THSD7A: variants seen among roughly 807,000 people sequenced by gnomAD.
THSD7A encodes thrombospondin type 1 domain containing 7A.
A neutral mutation model predicts 231.3 loss-of-function variants in THSD7A; 96 were observed. The observed-to-expected ratio is 0.41, with a 90% confidence interval of 0.35 to 0.49. The LOEUF is 0.49. THSD7A is among the 20% of genes least tolerant of loss of function. The pLI is 0.05. For synonymous variants in THSD7A, 940 were observed against 743.3 expected (o/e 1.26, Z -4.30); for missense variants, 2,290 against 2,070.2 (o/e 1.11, Z -2.06).
At chr7:11,516,475 G>A (rs1030920486) in intron 6 of THSD7A, among the ~76,000 whole-genome samples, 1 of 152,146 alleles carries the variant, frequency 6.6e-6, no homozygotes, top group African/African-American at 2.4e-5. Flanking sequence ...ATATTATAGT[G>A]CCTCATCCCC....
At position 11,831,402 on chromosome 7, in the gene THSD7A, T is replaced by C. The variant is rs1785187835; in HGVS notation, c.190+355A>G. 6.6e-6 allele frequency among the ~76,000 whole-genome samples: 1 copy of C among 152,192 alleles called. No individual in the cohort carries two copies. Among genetic ancestry groups the C allele is most frequent in the African/African-American group, 2.4e-5 (1 of 41,452 alleles). ...ATTGCTTTGCCTAAAGAATAAAGAC[T>C]GAGACTAAACTCTTTGCTTGTTCTT... On this transcript the variant is annotated intron_variant, in intron 1 of 27. Transcript: ENST00000423059. The surrounding 1 kb of genome is among the most constrained non-coding windows in gnomAD (Gnocchi z 5.0).
chr7:11,655,288 A>T lies in THSD7A; in HGVS notation c.191-18327T>A, dbSNP rs1487327116. ...TGTTAGGATCCACAAGTATGCTGTA[A>T]CACAGTCTTTCTGTGTATCACTGAA... On this transcript the variant is annotated intron_variant, in intron 1 of 27. Coordinates refer to ENST00000423059, the MANE Select transcript of THSD7A (RefSeq NM_015204.3). Among the ~76,000 whole-genome samples, 7 of 151,930 alleles carry T rather than the reference A, an allele frequency of 4.6e-5. No homozygotes were observed. The East Asian group carries it at 1.4e-3, about 29-fold the overall frequency.
chr7:11,773,059 C>T (rs1783286473), intron 1 of THSD7A, among the ~76,000 whole-genome samples: 1 of 152,044 alleles, frequency 6.6e-6, no homozygotes, highest in Non-Finnish European at 1.5e-5. Context: ...GCCTAAGAAA[C>T]CTCTGTGTAC....
intron 1 of THSD7A, among the ~76,000 whole-genome samples, chr7:11,700,808 C>G (rs1780570805): frequency 6.6e-6 from 1 of 151,014 alleles, no homozygotes. Context: ...CGCTCCACAG[C>G]CCAATAAAAA....
intron 1 of THSD7A, among the ~76,000 whole-genome samples, chr7:11,804,978 C>G (rs1209588216): frequency 2.0e-5 from 3 of 152,050 alleles, no homozygotes; most frequent in African/African-American, 4.8e-5. Flanking sequence ...ATATTTTCTA[C>G]CAATTCTGAG....
At chr7:11,460,843 CATGA>C in intron 10 of THSD7A, 78 bp from the exon 11 acceptor site, 2 of 1,192,298 alleles carry the variant, frequency 1.7e-6, no homozygotes, top group South Asian at 2.7e-5. Context: ...AGCATGGAAA[CATGA>C]CTTTGACCAC....
At chr7:11,402,591 T>C (rs1783444221) in intron 22 of THSD7A, among the ~76,000 whole-genome samples, 1 of 152,196 alleles carries the variant, frequency 6.6e-6, no homozygotes, top group Non-Finnish European at 1.5e-5. Context: ...AATGATCACA[T>C]ATCATAGATG....
At chr7:11,703,640 T>A (rs1780673908) in intron 1 of THSD7A, among the ~76,000 whole-genome samples, 1 of 151,300 alleles carries the variant, frequency 6.6e-6, no homozygotes, top group African/African-American at 2.4e-5. Flanking sequence ...TATACATTTT[T>A]GTTGAGAGAA....
At chr7:11,741,248 T>C (rs752106560) in intron 1 of THSD7A, among the ~76,000 whole-genome samples, 22 of 151,972 alleles carry the variant, frequency 1.4e-4, no homozygotes, top group Admixed American at 2.6e-4. Flanking sequence ...CTTTGCTTTG[T>C]GGTTTTGACT....
chr7:11,560,327 G>C (rs985289849), intron 4 of THSD7A, among the ~76,000 whole-genome samples: 1 of 152,084 alleles, frequency 6.6e-6, no homozygotes, highest in Non-Finnish European at 1.5e-5. Context: ...TGCTTTTAGG[G>C]GCTGGCCTGG....
chr7:11,814,355 A>C lies in THSD7A; in HGVS notation c.190+17402T>G, dbSNP rs780983549. On this transcript the variant is annotated intron_variant, in intron 1 of 27. Transcript: ENST00000423059. This position sits in a 1 kb window ranked among gnomAD's most constrained non-coding sequence, Gnocchi z 5.1. Reference sequence around the variant, plus strand: ...GTATTCAGCACGTGACAAACAAAGGAGATTCATCTCATTTATAATAACATG... The same window carrying C: ...GTATTCAGCACGTGACAAACAAAGGCGATTCATCTCATTTATAATAACATG... Among the ~76,000 whole-genome samples, 1 of 152,188 alleles carries C rather than the reference A, an allele frequency of 6.6e-6. No individual in the cohort carries two copies. Among genetic ancestry groups the C allele is most frequent in the African/African-American group, 2.4e-5 (1 of 41,454 alleles).
intron 1 of THSD7A, among the ~76,000 whole-genome samples, chr7:11,715,171 A>G (rs1250866311): frequency 6.6e-6 from 1 of 151,486 alleles, no homozygotes; most frequent in Non-Finnish European, 1.5e-5. Context: ...AAGTTTACCA[A>G]TTAAATTCCA....
At chr7:11,680,793 C>T (rs371286319) in intron 1 of THSD7A, among the ~76,000 whole-genome samples, 15 of 152,122 alleles carry the variant, frequency 9.9e-5, no homozygotes, top group South Asian at 2.1e-4. Context: ...GACAGTGTGG[C>T]GATTCCTCAA....
At position 11,832,059 on chromosome 7, in the gene THSD7A, T is replaced by C. The variant is rs1272421342; in HGVS notation, c.-113A>G. ...CAGAAAGCAAAGCTCTTTCCTGCTA[T>C]TGTTCGCTTCAGATGAGAAGGAGGG... is the stretch of plus-strand genomic sequence containing the variant. On this transcript the variant is annotated 5_prime_UTR_variant, in exon 1 of 28. Transcript: ENST00000423059. 1.3e-5 allele frequency: 9 copies of C among 703,556 alleles called. No homozygotes were observed. Among genetic ancestry groups the C allele is most frequent in the East Asian group, 4.0e-5 (1 of 24,858 alleles). 43.6% of individuals were successfully genotyped at this position (703,556 alleles called of 1,614,324 possible).
intron 1 of THSD7A, among the ~76,000 whole-genome samples, chr7:11,739,681 T>C (rs549270771): frequency 6.5e-4 from 99 of 151,816 alleles, no homozygotes; most frequent in African/African-American, 2.1e-3. Context: ...GCCCCCAAAG[T>C]GATGAGATTA....
rs151327851 is a variant in THSD7A at position 11,825,092 on chromosome 7, G to T, written c.190+6665C>A. ...TGTCTTTCATGCTGTCCTTTAGTTG[G>T]AGAAAACAAATAAGTATGTTAGACC... On this transcript the variant is annotated intron_variant, in intron 1 of 27. Transcript: ENST00000423059. 2.3e-3 allele frequency among the ~76,000 whole-genome samples: 350 copies of T among 151,962 alleles called. 3 individuals are homozygous for T. Among genetic ancestry groups the T allele is most frequent in the African/African-American group, 7.7e-3 (320 of 41,464 alleles).
At chr7:11,607,018 T>A (rs1025469064) in intron 2 of THSD7A, among the ~76,000 whole-genome samples, 61 of 151,384 alleles carry the variant, frequency 4.0e-4, no homozygotes, top group Non-Finnish European at 6.9e-4. Context: ...AATAAAAAAA[T>A]ATATATATAA....
At chr7:11,426,786 A>G in intron 14 of THSD7A, 115 bp from the exon 15 acceptor site, 1 of 1,109,022 alleles carries the variant, frequency 9.0e-7, no homozygotes, top group Non-Finnish European at 1.3e-6. Flanking sequence ...CTTACATGTA[A>G]AAACCTACTT....
chr7:11,660,688 T>C (rs1315935330), intron 1 of THSD7A, among the ~76,000 whole-genome samples: 1 of 151,438 alleles, frequency 6.6e-6, no homozygotes, highest in Non-Finnish European at 1.5e-5. Context: ...CCTGGTCCCA[T>C]ATACCACAAA....
Sources: gnomAD v4.1 joint callset for allele counts (sites outside exome capture counted in the v4.1 genomes callset) on GRCh38, gnomAD v4.1.1 for gene constraint, Gnocchi (gnomAD v3.1) non-coding constraint, MANE v1.5 for transcripts, NCBI Gene and HGNC (gene_info 2026-07-23, HGNC 2026-07-21) for gene names.